POGLUT1: variants seen among roughly 807,000 people sequenced by gnomAD.
The protein encoded by POGLUT1 is protein O-glucosyltransferase 1, also known as 9630046K23Rik.
A neutral mutation model predicts 61.3 loss-of-function variants in POGLUT1; 32 were observed. The ratio of observed to expected loss-of-function variants is 0.52; its 90% confidence interval spans 0.39 to 0.70. The LOEUF is 0.70. Among genes scored for constraint, POGLUT1 ranks in the 30% least tolerant of loss-of-function variants. The pLI is 0.00. For missense variants in POGLUT1, 411 were observed against 469.8 expected, an observed-to-expected ratio of 0.87 and a Z score of 1.16; for synonymous variants, 158 against 158.2, an observed-to-expected ratio of 1.00 and a Z score of 0.01.
chr3:119,494,623 T>G lies in POGLUT1; in HGVS notation c.*2185T>G, dbSNP rs2081793436. On this transcript the variant is annotated 3_prime_UTR_variant, in exon 11 of 11. Transcript: ENST00000295588. The stretch of plus-strand genomic sequence containing the variant: ...ACTAGTTCAGTCCCAAACTTACCCT[T>G]TCCTTTTCAGAGAGCTAATGGCCAT... 6.5e-6 allele frequency: 1 copy of G among 152,678 alleles called. No individual in the cohort carries two copies. The highest frequency in any genetic ancestry group is 1.5e-5 in the Non-Finnish European group (1 of 68,042). 9.5% of individuals were successfully genotyped at this position (152,678 alleles called of 1,614,324 possible).
chr3:119,477,210 TG>T (rs1249821940), intron 3 of POGLUT1, 102 bp from the exon 4 acceptor site: 4 of 1,132,960 alleles, frequency 3.5e-6, no homozygotes, highest in Non-Finnish European at 5.2e-6. Context: ...TATGGAACAC[TG>T]GAACACTGGC....
Position 119,469,694 on chromosome 3 carries a change from T to C in POGLUT1, c.86-126T>C, listed in dbSNP as rs185165531. The C allele has an allele frequency of 3.6e-4, 223 of 622,450 alleles. 2 individuals are homozygous for C. In the East Asian group the frequency reaches 6.0e-3, roughly 17 times the overall value. The allele number at this position is 622,450 out of a possible 1,614,324, so 38.6% of individuals were successfully genotyped here. Reference sequence around the variant, plus strand: ...ACAAAAATTCCTCCCTAGCGTTTCGTTTCCATCAGTGGGATGGGAAGGGGA... The same window carrying C: ...ACAAAAATTCCTCCCTAGCGTTTCGCTTCCATCAGTGGGATGGGAAGGGGA... On this transcript the variant is annotated intron_variant, in intron 1 of 10. Coordinates refer to ENST00000295588, the MANE Select transcript of POGLUT1 (RefSeq NM_152305.3).
At chr3:119,473,343 GAA>G (rs1371653772) in intron 3 of POGLUT1, among the ~76,000 whole-genome samples, 1 of 26,356 alleles carries the variant, frequency 3.8e-5, no homozygotes, top group East Asian at 2.5e-3. Flanking sequence ...ATTGCCAAAT[GAA>G]ATGAAATGCT....
chr3:119,484,821 C>G (rs2081646762), intron 5 of POGLUT1, among the ~76,000 whole-genome samples: 2 of 152,120 alleles, frequency 1.3e-5, no homozygotes. Context: ...TTTGTAGATA[C>G]AACTGGGTAG....
chr3:119,485,710 C>T (rs1329583223), intron 6 of POGLUT1, among the ~76,000 whole-genome samples: 3 of 152,180 alleles, frequency 2.0e-5, no homozygotes, highest in African/African-American at 7.2e-5. Context: ...CTAGGAGTAG[C>T]TTATGATCAT....
chr3:119,489,216 T>C, intron 8 of POGLUT1: 1 of 368,084 alleles, frequency 2.7e-6, no homozygotes, highest in Non-Finnish European at 5.0e-6. Context: ...TGCTAGCTAG[T>C]AATCACAGTA....
chr3:119,485,366 C>A lies in POGLUT1; in HGVS notation c.617C>A (p.Thr206Lys). The change falls in exon 6 of 11, where the codon ACA becomes AAA. Residue 206 changes from threonine (T) to lysine (K), a missense_variant. Coordinates refer to ENST00000295588, the MANE Select transcript of POGLUT1 (RefSeq NM_152305.3). ...AQWPWKKKNS[T>K]AYFRGSRTSP... ...TGGCCATGGAAAAAGAAAAACTCTACAGCATATTTCCGAGGATCAAGGTGA... is the reference window on the plus strand; with the variant it reads ...TGGCCATGGAAAAAGAAAAACTCTAAAGCATATTTCCGAGGATCAAGGTGA... 6.2e-7 allele frequency: 1 copy of A among 1,607,236 alleles called. No homozygotes were observed. Among genetic ancestry groups the A allele is most frequent in the Non-Finnish European group, 8.5e-7 (1 of 1,174,128 alleles).
In POGLUT1 at chr3:119,469,092, G is replaced by T. The variant is rs749739928; in HGVS notation, c.71G>T (p.Arg24Leu). Reference protein sequence around the residue: ...LLFLLPSAQGRQKESGSKWKV... With the variant: ...LLFLLPSAQGLQKESGSKWKV... Reference sequence around the variant, plus strand: ...TTCCTCCTGCCCTCAGCGCAGGGCCGCCAGAAGGAGTCAGGTGGGCTCCGG... The same window carrying T: ...TTCCTCCTGCCCTCAGCGCAGGGCCTCCAGAAGGAGTCAGGTGGGCTCCGG... The change falls in exon 1 of 11, where the codon CGC becomes CTC. Residue 24 changes from arginine to leucine, a missense_variant. Physicochemically the swap from Arg to Leu is moderately radical, Grantham distance 102 (BLOSUM62 -2). Transcript: ENST00000295588. 10 of 1,605,986 alleles carry T rather than the reference G, an allele frequency of 6.2e-6. No individual in the cohort carries two copies. The highest frequency in any genetic ancestry group is 1.7e-5 in the Admixed American group (1 of 59,638).
chr3:119,480,363 C>T (rs1488755032), intron 5 of POGLUT1, among the ~76,000 whole-genome samples, 191 bp downstream of exon 5: 1 of 152,020 alleles, frequency 6.6e-6, no homozygotes, highest in Non-Finnish European at 1.5e-5. Context: ...ATTCTCTTGC[C>T]TCAGCCTCCC....
chr3:119,491,545 T>G lies in POGLUT1; in HGVS notation c.993T>G (p.Asn331Lys), dbSNP rs1296142257. 6.4e-7 allele frequency: 1 copy of G among 1,566,074 alleles called. No homozygotes were observed. Among genetic ancestry groups the G allele is most frequent in the Non-Finnish European group, 8.7e-7 (1 of 1,147,136 alleles). ...VQELLQFVKA[N>K]DDVAQEIAER... ...AGCTGTTACAATTTGTAAAAGCAAATGATGATGTAGCTCAAGAGATTGCTG... is the reference window on the plus strand; with the variant it reads ...AGCTGTTACAATTTGTAAAAGCAAAGGATGATGTAGCTCAAGAGATTGCTG... The change falls in exon 10 of 11, where the codon AAT (asparagine) becomes AAG (lysine). Residue 331 changes from asparagine (N) to lysine (K), a missense_variant. Asn to Lys is a moderately conservative substitution (Grantham distance 94). Coordinates refer to ENST00000295588, the MANE Select transcript of POGLUT1 (RefSeq NM_152305.3).
chr3:119,490,851 C>T, intron 9 of POGLUT1, 133 bp downstream of exon 9: 1 of 757,370 alleles, frequency 1.3e-6, no homozygotes, highest in Non-Finnish European at 2.2e-6. Flanking sequence ...GCTTTTTTTC[C>T]TCTTGGTTTG....
rs1327296603 is a variant in POGLUT1 at position 119,493,472 on chromosome 3, CTCTT to C, written c.*1038_*1041del. On this transcript the variant is annotated 3_prime_UTR_variant, in exon 11 of 11. Coordinates refer to ENST00000295588, the MANE Select transcript of POGLUT1 (RefSeq NM_152305.3). ...GGTAGTAGTTTAATATCTCAGGGTGCTCTTTCTAACATAGTAAAAAATGAAGAAA... is the reference window on the plus strand; with the variant it reads ...GGTAGTAGTTTAATATCTCAGGGTGCTCTAACATAGTAAAAAATGAAGAAA... 3.3e-5 allele frequency: 5 copies of C among 152,212 alleles called. No homozygotes were observed. The East Asian group carries it at 5.8e-4, about 18-fold the overall frequency. 9.4% of individuals were successfully genotyped at this position (152,212 alleles called of 1,614,324 possible).
At chr3:119,475,769 G>A (rs575986793) in intron 3 of POGLUT1, among the ~76,000 whole-genome samples, 15 of 149,522 alleles carry the variant, frequency 1.0e-4, no homozygotes, top group South Asian at 8.5e-4. Context: ...CTGAGATTGC[G>A]CCATTGCACT....
At chr3:119,491,074 C>G (rs1434644584) in intron 9 of POGLUT1, among the ~76,000 whole-genome samples, 2 of 151,404 alleles carry the variant, frequency 1.3e-5, no homozygotes, top group Non-Finnish European at 2.9e-5. Flanking sequence ...GAAGCTTCAG[C>G]AAATTTCCTT....
intron 1 of POGLUT1, 109 bp downstream of exon 1, chr3:119,469,215 G>A (rs2081436478): frequency 1.2e-6 from 1 of 868,366 alleles, no homozygotes; most frequent in Non-Finnish European, 1.8e-6. Context: ...GGCCGCTGTA[G>A]CTCGGAGCTG....
chr3:119,480,201 T>TC, intron 5 of POGLUT1, 29 bp downstream of exon 5: 1 of 1,513,234 alleles, frequency 6.6e-7, no homozygotes, highest in Non-Finnish European at 8.9e-7. Flanking sequence ...TTTTATTTTT[T>TC]CTCTTTCTGG....
chr3:119,492,006 A>G (rs550016957), intron 10 of POGLUT1, among the ~76,000 whole-genome samples: 1 of 152,290 alleles, frequency 6.6e-6, no homozygotes. Flanking sequence ...GTGAGCCAAG[A>G]TCGCACCATT....
intron 5 of POGLUT1, among the ~76,000 whole-genome samples, chr3:119,482,680 T>C (rs2081619985): frequency 6.6e-6 from 1 of 152,236 alleles, no homozygotes; most frequent in African/African-American, 2.4e-5. Flanking sequence ...TCTCTAATGA[T>C]GTTCATTTGT....
At chr3:119,472,350 G>T (rs145747816) in intron 3 of POGLUT1, among the ~76,000 whole-genome samples, 4 of 152,026 alleles carry the variant, frequency 2.6e-5, no homozygotes, top group Admixed American at 2.0e-4. Context: ...AAAAATTATC[G>T]ATTCGTTCAT....
Sources: gnomAD v4.1 joint callset for allele counts (sites outside exome capture counted in the v4.1 genomes callset) on GRCh38, gnomAD v4.1.1 for gene constraint, MANE v1.5 for transcripts, NCBI Gene and HGNC (gene_info 2026-07-23, HGNC 2026-07-21) for gene names.